Variants in CHKA observed in about 807,000 individuals in gnomAD.
CHKA encodes choline kinase alpha, also known as CHETK-alpha.
Under a neutral mutation model 60.1 loss-of-function variants are expected in CHKA, and 34 were observed. That is an observed-to-expected ratio of 0.57 (90% CI 0.43 to 0.75). The LOEUF (loss-of-function observed/expected upper bound fraction) is 0.75. Ranked by LOEUF, CHKA falls within the 30% of genes least tolerant of loss-of-function variation. The pLI is 0.00. For synonymous variants in CHKA, 217 were observed against 223.1 expected, an observed-to-expected ratio of 0.97 and a Z score of 0.24; for missense variants, 563 against 561.3, an observed-to-expected ratio of 1.00 and a Z score of -0.03.
chr11:68,114,261 T>G lies in CHKA; in HGVS notation c.350+6567A>C, dbSNP rs1009938853. Among the ~76,000 whole-genome samples the G allele has an allele frequency of 1.2e-4, 18 of 152,140 alleles. 1 individual carries two copies. The highest frequency in any genetic ancestry group is 4.4e-5 in the Non-Finnish European group (3 of 68,014). ...GAATTGAAAACCTACACACAAATGT[T>G]TAGAGCAACTTTATTCATAATTGCC... is the stretch of plus-strand genomic sequence containing the variant. On this transcript the variant is annotated intron_variant, in intron 1 of 11. Transcript: ENST00000265689.
rs967459586 is a variant in CHKA at position 68,097,470 on chromosome 11, T to TA, written c.351-341dup. On this transcript the variant is annotated intron_variant, in intron 1 of 11. Coordinates refer to ENST00000265689, the MANE Select transcript of CHKA (RefSeq NM_001277.3). ...TAACACGGTGAAACCCCGTCTCTACTAAAAAAATACAAAAAATTAGCCAGG... is the reference window on the plus strand; with the variant it reads ...TAACACGGTGAAACCCCGTCTCTACTAAAAAAAATACAAAAAATTAGCCAGG... Among the ~76,000 whole-genome samples, 6 of 151,614 alleles carry TA rather than the reference T, an allele frequency of 4.0e-5. No individual in the cohort carries two copies. In the East Asian group the frequency reaches 7.8e-4, roughly 20 times the overall value.
chr11:68,081,595 C>T (rs191210979), intron 2 of CHKA, 138 bp from the exon 3 acceptor site: 27 of 636,742 alleles, frequency 4.2e-5, no homozygotes, highest in East Asian at 2.0e-4. Flanking sequence ...ACCGATGTGA[C>T]GGGCAGCATC....
At chr11:68,093,015 T>G (rs1265729761) in intron 2 of CHKA, among the ~76,000 whole-genome samples, 1 of 150,600 alleles carries the variant, frequency 6.6e-6, no homozygotes, top group Non-Finnish European at 1.5e-5. Context: ...GGGTTTTTTT[T>G]TTTTTTTTTT....
At chr11:68,059,671 G>GT (rs2134493220) in intron 11 of CHKA, among the ~76,000 whole-genome samples, 1 of 152,206 alleles carries the variant, frequency 6.6e-6, no homozygotes, top group East Asian at 1.9e-4. Flanking sequence ...GAAGTGTACT[G>GT]TTTAATTTCC....
chr11:68,109,370 T>C (rs1262072450), intron 1 of CHKA, among the ~76,000 whole-genome samples: 2 of 152,160 alleles, frequency 1.3e-5, no homozygotes, highest in Non-Finnish European at 2.9e-5. Context: ...ATTACAGGCG[T>C]GAGCCACCGA....
At chr11:68,116,376 C>T (rs1858383001) in intron 1 of CHKA, among the ~76,000 whole-genome samples, 1 of 152,014 alleles carries the variant, frequency 6.6e-6, no homozygotes, top group Admixed American at 6.6e-5. Context: ...TCTATACCAG[C>T]CTGGGCACCA....
At chr11:68,116,427 C>T (rs1432549569) in intron 1 of CHKA, among the ~76,000 whole-genome samples, 1 of 151,980 alleles carries the variant, frequency 6.6e-6, no homozygotes, top group Non-Finnish European at 1.5e-5. Flanking sequence ...AAAAATTAGC[C>T]AGGTAGCCAG....
At chr11:68,107,530 TG>T (rs778375251) in intron 1 of CHKA, among the ~76,000 whole-genome samples, 2 of 152,072 alleles carry the variant, frequency 1.3e-5, no homozygotes, top group Admixed American at 1.3e-4. Flanking sequence ...TCCAATGGCC[TG>T]GTCCTCTCCC....
intron 1 of CHKA, among the ~76,000 whole-genome samples, chr11:68,098,271 C>CAAAAAAAAAAAAA (rs57972693): frequency 7.5e-5 from 9 of 120,682 alleles, no homozygotes; most frequent in East Asian, 2.4e-4. Context: ...ACTCCTATCT[C>CAAAAAAAAAAAAA]AAAAAAAAAA....
At chr11:68,117,629 G>A (rs1209967987) in intron 1 of CHKA, among the ~76,000 whole-genome samples, 2 of 151,812 alleles carry the variant, frequency 1.3e-5, no homozygotes, top group Non-Finnish European at 2.9e-5. Context: ...AGAAGTTGCA[G>A]CTAGCCGAGA....
At chr11:68,113,081 CAAAAAAAAAAA>C (rs71040587) in intron 1 of CHKA, among the ~76,000 whole-genome samples, 73 of 14,548 alleles carry the variant, frequency 5.0e-3, no homozygotes, top group Admixed American at 0.011. Context: ...GACTCCGTCT[CAAAAAAAAAAA>C]AAAAAAAAAA....
At position 68,070,794 on chromosome 11, in the gene CHKA, T is replaced by A; in HGVS notation, c.694A>T (p.Met232Leu). The A allele has an allele frequency of 6.2e-7, 1 of 1,613,336 alleles. No individual in the cohort carries two copies. The highest frequency in any genetic ancestry group is 8.5e-7 in the Non-Finnish European group (1 of 1,179,294). The change falls in exon 5 of 12, where the codon ATG becomes TTG. Residue 232 changes from methionine to leucine, a missense_variant. Physicochemically the swap from Met to Leu is conservative, Grantham distance 15. Coordinates refer to ENST00000265689, the MANE Select transcript of CHKA (RefSeq NM_001277.3). ...PDISAEIAEK[M>L]ATFHGMKMPF... ...ATTTTCATACCATGAAATGTAGCCA[T>A]TTTCTCGGCGATTTCTGCAGAAATA... is the stretch of plus-strand genomic sequence containing the variant.
At chr11:68,120,697 C>A in intron 1 of CHKA, 131 bp downstream of exon 1, 1 of 289,950 alleles carries the variant, frequency 3.4e-6, no homozygotes, top group South Asian at 1.3e-4. Flanking sequence ...TCCCCGGTCC[C>A]CGGCCTCCGC....
intron 1 of CHKA, among the ~76,000 whole-genome samples, chr11:68,120,223 C>G (rs1858566618): frequency 7.2e-6 from 1 of 139,308 alleles, no homozygotes. Context: ...GAGCGAAACT[C>G]CGTCTCAAAA....
At chr11:68,080,478 G>C (rs149561257) in intron 3 of CHKA, among the ~76,000 whole-genome samples, 37 of 152,142 alleles carry the variant, frequency 2.4e-4, no homozygotes, top group African/African-American at 8.9e-4. Flanking sequence ...CTCCCAAGTA[G>C]CTGGAATTAC....
chr11:68,115,202 G>A (rs964383430), intron 1 of CHKA, among the ~76,000 whole-genome samples: 3 of 152,186 alleles, frequency 2.0e-5, no homozygotes, highest in African/African-American at 7.2e-5. Flanking sequence ...GCTAGGCTAA[G>A]ATATGCTGTT....
intron 1 of CHKA, among the ~76,000 whole-genome samples, chr11:68,112,417 C>A (rs1300564608): frequency 6.6e-6 from 1 of 152,078 alleles, no homozygotes; most frequent in Non-Finnish European, 1.5e-5. Context: ...ACGACTACAC[C>A]AGACTAATTT....
At position 68,054,033 on chromosome 11, in the gene CHKA, T is replaced by C; in HGVS notation, c.1329A>G (p.Ala443=). ...TCTGGTGGAAATAGGCATCAAACCT[T>C]GCTTGGGCGTAGTCCTAGGAGACAG... ...IEFGYMDYAQ[A]RFDAYFHQKR... The change falls in exon 12 of 12, where the codon GCA becomes GCG. Residue 443 remains alanine, a synonymous_variant. Transcript: ENST00000265689. 1.2e-6 allele frequency: 2 copies of C among 1,613,164 alleles called. No individual in the cohort carries two copies. The highest frequency in any genetic ancestry group is 1.7e-6 in the Non-Finnish European group (2 of 1,179,596).
intron 11 of CHKA, among the ~76,000 whole-genome samples, chr11:68,057,072 G>A (rs569517650): frequency 1.1e-4 from 16 of 152,236 alleles, no homozygotes; most frequent in African/African-American, 3.4e-4. Context: ...AGACAGTGTC[G>A]TAATGGAATT....
Sources: gnomAD v4.1 joint callset for allele counts (sites outside exome capture counted in the v4.1 genomes callset) on GRCh38, gnomAD v4.1.1 for gene constraint, MANE v1.5 for transcripts, NCBI Gene and HGNC (gene_info 2026-07-23, HGNC 2026-07-21) for gene names.